DLG1: variants seen among roughly 807,000 people sequenced by gnomAD.
The protein encoded by DLG1 is discs large MAGUK scaffold protein 1.
A neutral mutation model predicts 123.4 loss-of-function variants in DLG1; 42 were observed. That is an observed-to-expected ratio of 0.34 (90% CI 0.27 to 0.44). The LOEUF is 0.44. DLG1 is among the 20% of genes least tolerant of loss of function. DLG1 has a pLI of 1.00. For missense variants in DLG1, 942 were observed against 1,082.6 expected, an observed-to-expected ratio of 0.87 and a Z score of 1.82; for synonymous variants, 317 against 356.2, an observed-to-expected ratio of 0.89 and a Z score of 1.24.
chr3:197,194,863 T>G (rs1018996714), intron 4 of DLG1, among the ~76,000 whole-genome samples: 2 of 152,128 alleles, frequency 1.3e-5, no homozygotes, highest in African/African-American at 4.8e-5. Context: ...AACTGAATCA[T>G]GTATCTCTAA....
chr3:197,293,965 A>G lies in DLG1; in HGVS notation c.151+2381T>C, dbSNP rs111273412. 7.5e-3 allele frequency: 1,153 copies of G among 153,136 alleles called. 11 individuals carry two copies. Among genetic ancestry groups the G allele is most frequent in the African/African-American group, 0.025 (1,042 of 41,394 alleles). 9.5% of individuals were successfully genotyped at this position (153,136 alleles called of 1,614,324 possible). A position where few individuals can be genotyped will look rare whatever the true frequency, so the allele number is the denominator to read the frequency against. On this transcript the variant is annotated intron_variant, in intron 3 of 24. Coordinates refer to ENST00000667157, the MANE Select transcript of DLG1 (RefSeq NM_001366207.1). ...TTCTGAGTCGGATTTTTCTGCAAACACTATGGACACAATGAACTGGTTTAG... is the reference window on the plus strand; with the variant it reads ...TTCTGAGTCGGATTTTTCTGCAAACGCTATGGACACAATGAACTGGTTTAG...
At chr3:197,243,539 T>C (rs1199532098) in intron 4 of DLG1, among the ~76,000 whole-genome samples, 1 of 152,072 alleles carries the variant, frequency 6.6e-6, no homozygotes, top group African/African-American at 2.4e-5. Context: ...GCTGTTGTAA[T>C]AAGTCTTTCA....
intron 1 of DLG1, chr3:197,298,067 C>A (rs1778404863): frequency 5.3e-6 from 2 of 377,054 alleles, no homozygotes; most frequent in South Asian, 1.1e-4. Context: ...ACCCCCGGAA[C>A]CTCGCCTCCT....
chr3:197,290,672 G>A (rs553589343), intron 3 of DLG1, among the ~76,000 whole-genome samples: 1 of 152,138 alleles, frequency 6.6e-6, no homozygotes, highest in African/African-American at 2.4e-5. Context: ...GCTGGGCGCA[G>A]TGGCTCACAC....
At chr3:197,081,194 AT>A (rs1750923186) in intron 16 of DLG1, 77 bp from the exon 17 acceptor site, 1 of 1,347,856 alleles carries the variant, frequency 7.4e-7, no homozygotes. Context: ...CAGAATTGTT[AT>A]CTTTATAATG....
At chr3:197,084,611 A>G (rs941570188) in intron 16 of DLG1, among the ~76,000 whole-genome samples, 1 of 151,898 alleles carries the variant, frequency 6.6e-6, no homozygotes, top group Non-Finnish European at 1.5e-5. Context: ...CACCTGGCCC[A>G]TATTTTCTAG....
intron 6 of DLG1, among the ~76,000 whole-genome samples, chr3:197,146,644 C>T (rs1422334953): frequency 6.6e-6 from 1 of 152,124 alleles, no homozygotes; most frequent in Non-Finnish European, 1.5e-5. Context: ...ATAAAAACAT[C>T]AACTCAAAAT....
chr3:197,293,310 G>C (rs1775816164), intron 3 of DLG1, among the ~76,000 whole-genome samples: 1 of 152,122 alleles, frequency 6.6e-6, no homozygotes. Flanking sequence ...TTCAAAATTA[G>C]TAAAAACTTT....
chr3:197,177,217 T>C (rs1009357076), intron 5 of DLG1, among the ~76,000 whole-genome samples: 9 of 152,200 alleles, frequency 5.9e-5, no homozygotes, highest in African/African-American at 2.2e-4. Context: ...AAGAAACAAA[T>C]GTGTCTGCCA....
rs1388892790 is a variant in DLG1 at position 197,186,103 on chromosome 3, A to C, written c.483+8322T>G. ...AGTTTTGGGAAAGACTTCTTTATGA[A>C]AATGTCCTGTTACATGACCTACAAA... On this transcript the variant is annotated intron_variant, in intron 5 of 24. Transcript: ENST00000667157. Among the ~76,000 whole-genome samples, 4 of 152,206 alleles carry C rather than the reference A, an allele frequency of 2.6e-5. No homozygotes were observed. The East Asian group carries it at 7.7e-4, about 29-fold the overall frequency.
chr3:197,112,711 C>T (rs2149375604), intron 13 of DLG1, among the ~76,000 whole-genome samples: 1 of 152,070 alleles, frequency 6.6e-6, no homozygotes, highest in Admixed American at 6.5e-5. Context: ...CTGCCTTAGC[C>T]TCCCAAGTTG....
At chr3:197,254,181 C>T (rs1159673364) in intron 4 of DLG1, among the ~76,000 whole-genome samples, 1 of 152,214 alleles carries the variant, frequency 6.6e-6, no homozygotes, top group African/African-American at 2.4e-5. Flanking sequence ...TGTCCCCACA[C>T]ATTAGATCGC....
chr3:197,292,506 CG>C (rs1306167126), intron 3 of DLG1, among the ~76,000 whole-genome samples: 5 of 152,106 alleles, frequency 3.3e-5, no homozygotes, highest in African/African-American at 1.2e-4. Flanking sequence ...TTTTGCAAGA[CG>C]AAAGTGTTCT....
At chr3:197,071,253 G>A (rs1743737329) in intron 18 of DLG1, among the ~76,000 whole-genome samples, 1 of 152,128 alleles carries the variant, frequency 6.6e-6, no homozygotes, top group African/African-American at 2.4e-5. Flanking sequence ...TGGGAGTACA[G>A]AAGAAACAGA....
At chr3:197,095,729 T>C (rs968064508) in intron 14 of DLG1, among the ~76,000 whole-genome samples, 1 of 152,196 alleles carries the variant, frequency 6.6e-6, no homozygotes, top group African/African-American at 2.4e-5. Context: ...CAATTCTCCA[T>C]TCTCATCAAA....
intron 6 of DLG1, among the ~76,000 whole-genome samples, chr3:197,145,864 G>A (rs1378733618): frequency 1.5e-5 from 2 of 137,788 alleles, no homozygotes; most frequent in Admixed American, 1.4e-4. Context: ...CAGGGCGGGG[G>A]CCAAGGGGTG....
At chr3:197,074,438 A>G (rs867771160) in intron 18 of DLG1, among the ~76,000 whole-genome samples, 5 of 152,114 alleles carry the variant, frequency 3.3e-5, no homozygotes, top group Admixed American at 6.5e-5. Context: ...TAACATCAAT[A>G]TGGGAACCAA....
At chr3:197,160,581 A>G (rs995815359) in intron 5 of DLG1, among the ~76,000 whole-genome samples, 1 of 152,104 alleles carries the variant, frequency 6.6e-6, no homozygotes, top group Non-Finnish European at 1.5e-5. Flanking sequence ...ATAATCAAAA[A>G]TTATATAGTA....
At chr3:197,214,210 C>T (rs1006770905) in intron 4 of DLG1, among the ~76,000 whole-genome samples, 17 of 151,994 alleles carry the variant, frequency 1.1e-4, no homozygotes, top group African/African-American at 4.1e-4. Context: ...CCTATTAGAT[C>T]ACAGACCTAA....
Sources: allele counts gnomAD v4.1 joint callset (sites outside exome capture counted in the v4.1 genomes callset), GRCh38; gene constraint gnomAD v4.1.1; transcripts MANE v1.5; gene names NCBI Gene and HGNC (gene_info 2026-07-23, HGNC 2026-07-21).